Variants in DNAJC2 observed in about 807,000 individuals in gnomAD.
DNAJC2 encodes the protein DnaJ heat shock protein family (Hsp40) member C2.
A neutral mutation model predicts 94.0 loss-of-function variants in DNAJC2; 32 were observed. The observed-to-expected ratio is 0.34, with a 90% CI of 0.26 to 0.46. The LOEUF is 0.46. Ranked by LOEUF, DNAJC2 falls within the 20% of genes least tolerant of loss-of-function variation. The probability of loss-of-function intolerance (pLI) is 1.00; values close to 1 mark genes in which losing one functional copy is unlikely to be tolerated. For missense variants in DNAJC2, 550 were observed against 719.5 expected (o/e 0.76, Z 2.69); for synonymous variants, 210 against 229.7 (o/e 0.91, Z 0.77).
chr7:103,323,690 T>A, intron 6 of DNAJC2, 27 bp from the exon 7 acceptor site: 1 of 1,358,154 alleles, frequency 7.4e-7, no homozygotes, highest in Non-Finnish European at 9.9e-7. Context: ...TAATACATGA[T>A]CAAGACAGAA....
At chr7:103,324,141 A>G (rs1035623273) in intron 6 of DNAJC2, among the ~76,000 whole-genome samples, 2 of 152,252 alleles carry the variant, frequency 1.3e-5, no homozygotes, top group Non-Finnish European at 2.9e-5. Flanking sequence ...ACTATTGCGC[A>G]TATTAAAAAT....
intron 3 of DNAJC2, chr7:103,335,198 T>A (rs1819121300): frequency 6.6e-6 from 1 of 152,214 alleles, no homozygotes; most frequent in East Asian, 1.9e-4. Context: ...AAATAAAACT[T>A]TGCTTGTAAT....
Position 103,319,967 on chromosome 7 carries a change from G to A in DNAJC2, c.1084-123C>T, listed in dbSNP as rs540342256. The A allele has an allele frequency of 1.9e-5, 18 of 961,976 alleles. No individual in the cohort carries two copies. The South Asian group carries it at 2.0e-4, about 11-fold the overall frequency. The allele number at this position is 961,976 out of a possible 1,614,324, so 59.6% of individuals were successfully genotyped here. Reference sequence around the variant, plus strand: ...GGAGAATCGCTTGAACCTGGAGGCGGAAATTGCAGCAAACTGAGATCACGC... The same window carrying A: ...GGAGAATCGCTTGAACCTGGAGGCGAAAATTGCAGCAAACTGAGATCACGC... On this transcript the variant is annotated intron_variant, in intron 10 of 16. Transcript: ENST00000379263.
chr7:103,314,252 T>A, intron 15 of DNAJC2: 1 of 985,442 alleles, frequency 1.0e-6, no homozygotes, highest in Non-Finnish European at 1.2e-6. Context: ...TATTTCCTGC[T>A]GTTCTCCAGT....
At chr7:103,331,238 G>A (rs920017857) in intron 3 of DNAJC2, among the ~76,000 whole-genome samples, 2 of 152,206 alleles carry the variant, frequency 1.3e-5, no homozygotes, top group Non-Finnish European at 1.5e-5. Context: ...GATTACAGGC[G>A]TGAGCCACTG....
intron 3 of DNAJC2, among the ~76,000 whole-genome samples, 156 bp from the exon 4 acceptor site, chr7:103,327,910 A>G (rs1365648107): frequency 6.6e-6 from 1 of 152,118 alleles, no homozygotes; most frequent in African/African-American, 2.4e-5. Context: ...TTATAGAGAA[A>G]CTGATTTATT....
chr7:103,312,872 A>G (rs1817831049), intron 16 of DNAJC2, 75 bp downstream of exon 16: 1 of 1,552,002 alleles, frequency 6.4e-7, no homozygotes, highest in Non-Finnish European at 8.7e-7. Flanking sequence ...ACCACTTAAT[A>G]GACATAAAAT....
At chr7:103,316,501 C>A (rs1198011650) in intron 13 of DNAJC2, 1 of 240,158 alleles carries the variant, frequency 4.2e-6, no homozygotes, top group Non-Finnish European at 7.9e-6. Flanking sequence ...TGGGAAAAAA[C>A]AAAGAGCAAG....
intron 3 of DNAJC2, among the ~76,000 whole-genome samples, chr7:103,331,566 A>T (rs1340172018): frequency 1.3e-5 from 2 of 152,090 alleles, no homozygotes; most frequent in Non-Finnish European, 2.9e-5. Flanking sequence ...CCTCCACGAG[A>T]TCAACTTTTT....
Position 103,319,671 on chromosome 7 carries a change from A to G in DNAJC2, c.1180T>C (p.Cys394Arg). The G allele has an allele frequency of 1.9e-6, 3 of 1,613,812 alleles. No homozygotes were observed. In the South Asian group the frequency reaches 3.3e-5, roughly 18 times the overall value. The change falls in exon 12 of 17, where the codon TGC becomes CGC. Residue 394 changes from cysteine to arginine, a missense_variant. Physicochemically the swap from Cys to Arg is radical, Grantham distance 180 (BLOSUM62 -3). Coordinates refer to ENST00000379263, the MANE Select transcript of DNAJC2 (RefSeq NM_014377.3). ...CDRLELASLQ[C>R]LNETLTSCTK... ...CATGATGTGAGTGTTTCATTCAAGC[A>G]CTGTAAGCTAAAGAAAAAAAAAGAA...
chr7:103,328,452 A>C (rs1222606729), intron 3 of DNAJC2, among the ~76,000 whole-genome samples: 2 of 151,996 alleles, frequency 1.3e-5, no homozygotes, highest in African/African-American at 4.8e-5. Context: ...CCAATATGGC[A>C]AAACCTGGTT....
intron 5 of DNAJC2, among the ~76,000 whole-genome samples, 169 bp downstream of exon 5, chr7:103,326,374 G>A (rs1406446097): frequency 1.3e-5 from 2 of 152,148 alleles, no homozygotes; most frequent in Non-Finnish European, 2.9e-5. Context: ...AATGAGAACA[G>A]TAAGTTCACC....
chr7:103,325,422 GCAAGATACTGTCT>G (rs1285225758), intron 5 of DNAJC2, among the ~76,000 whole-genome samples: 2 of 150,190 alleles, frequency 1.3e-5, no homozygotes, highest in East Asian at 3.9e-4. Context: ...TGGCAAGAGA[GCAAGATACTGTCT>G]CAAAATAAAA....
At chr7:103,319,325 TACTC>T (rs1453898111) in intron 12 of DNAJC2, among the ~76,000 whole-genome samples, 2 of 152,028 alleles carry the variant, frequency 1.3e-5, no homozygotes, top group African/African-American at 2.4e-5. Context: ...TAATCCCAGT[TACTC>T]AGGAGGCTGA....
chr7:103,342,062 A>G, intron 1 of DNAJC2, 108 bp from the exon 2 acceptor site: 2 of 817,996 alleles, frequency 2.4e-6, no homozygotes, highest in Non-Finnish European at 3.6e-6. Flanking sequence ...ATACCAGCAT[A>G]TACTTTTAAA....
chr7:103,344,727 G>T lies in DNAJC2; in HGVS notation c.-105C>A. On this transcript the variant is annotated 5_prime_UTR_variant, in exon 1 of 17. Coordinates refer to ENST00000379263, the MANE Select transcript of DNAJC2 (RefSeq NM_014377.3). ...CTCTCACTCCGAGCCTCGCGCCTTG[G>T]CTCTAAGACGCCCAGGAACCGGCGC... 8.4e-7 allele frequency: 1 copy of T among 1,185,280 alleles called. No homozygotes were observed. Among genetic ancestry groups the T allele is most frequent in the Non-Finnish European group, 1.2e-6 (1 of 819,758 alleles). The allele number at this position is 1,185,280 out of a possible 1,614,324, so 73.4% of individuals were successfully genotyped here. A position where few individuals can be genotyped will look rare whatever the true frequency, so the allele number is the denominator to read the frequency against.
intron 3 of DNAJC2, among the ~76,000 whole-genome samples, chr7:103,328,519 T>C (rs1430642581): frequency 6.6e-6 from 1 of 152,108 alleles, no homozygotes; most frequent in Middle Eastern, 3.4e-3. Flanking sequence ...TGGTCCCAGC[T>C]ACTCAGGTGG....
chr7:103,341,411 CTT>C (rs1819369585), intron 2 of DNAJC2, among the ~76,000 whole-genome samples: 1 of 152,170 alleles, frequency 6.6e-6, no homozygotes, highest in African/African-American at 2.4e-5. Context: ...CCCTATACGA[CTT>C]ATCAATTCCT....
At chr7:103,323,490 T>C in intron 7 of DNAJC2, 108 bp downstream of exon 7, 1 of 1,138,918 alleles carries the variant, frequency 8.8e-7, no homozygotes, top group Non-Finnish European at 1.2e-6. Flanking sequence ...TTAAAAAAGA[T>C]GTACAAAGAG....
Sources: gnomAD v4.1 joint callset for allele counts (sites outside exome capture counted in the v4.1 genomes callset) on GRCh38, gnomAD v4.1.1 for gene constraint, MANE v1.5 for transcripts, NCBI Gene and HGNC (gene_info 2026-07-23, HGNC 2026-07-21) for gene names.